The following NOVA1 variants were observed in gnomAD, a reference collection of about 807,000 sequenced individuals.
NOVA1 encodes the protein NOVA alternative splicing regulator 1, also known as RNA-binding protein Nova-1.
NOVA1 carries 7 observed loss-of-function variants against 38.0 expected under a neutral mutation model. The observed-to-expected ratio is 0.18, with a 90% CI of 0.10 to 0.35. NOVA1 has a LOEUF of 0.35. NOVA1 is among the 10% of genes least tolerant of loss of function. The probability of loss-of-function intolerance (pLI) is 1.00; values close to 1 mark genes in which losing one functional copy is unlikely to be tolerated. For synonymous variants in NOVA1, 270 were observed against 232.5 expected (o/e 1.16, Z -1.47); for missense variants, 460 against 616.0 (o/e 0.75, Z 2.68).
intron 2 of NOVA1, among the ~76,000 whole-genome samples, chr14:26,516,683 A>G (rs1366273753): frequency 2.0e-5 from 3 of 152,134 alleles, no homozygotes. Context: ...TTTTGTTTGT[A>G]TTTAGGCTCT....
intron 2 of NOVA1, among the ~76,000 whole-genome samples, chr14:26,535,019 A>C (rs547722099): frequency 2.6e-5 from 4 of 152,208 alleles, no homozygotes; most frequent in Non-Finnish European, 4.4e-5. Flanking sequence ...AACAGAATAA[A>C]TCTGCATTAT....
chr14:26,597,555 T>C lies in NOVA1; in HGVS notation c.-119A>G, dbSNP rs1162100094. The C allele has an allele frequency of 1.6e-6, 2 of 1,230,546 alleles. No homozygotes were observed. The highest frequency in any genetic ancestry group is 2.0e-6 in the Non-Finnish European group (2 of 984,578). The allele number at this position is 1,230,546 out of a possible 1,614,324, so 76.2% of individuals were successfully genotyped here. ...GCGTTTGGGGTTTCTTAAGGTTTTT[T>C]TTTTTTAATCGGATCAATATAAATC... On this transcript the variant is annotated 5_prime_UTR_variant, in exon 1 of 5. Coordinates refer to ENST00000539517, the MANE Select transcript of NOVA1 (RefSeq NM_002515.3).
intron 1 of NOVA1, chr14:26,595,991 C>G (rs1894162936): frequency 2.9e-6 from 1 of 340,544 alleles, no homozygotes; most frequent in African/African-American, 2.2e-5. Context: ...TAGTGATGAG[C>G]TATATTTATT....
At chr14:26,508,063 T>C (rs947480984) in intron 2 of NOVA1, among the ~76,000 whole-genome samples, 3 of 152,072 alleles carry the variant, frequency 2.0e-5, no homozygotes. Context: ...GTATTATATT[T>C]GAGAGTTCTG....
intron 2 of NOVA1, among the ~76,000 whole-genome samples, chr14:26,547,225 C>T (rs1890847240): frequency 2.0e-5 from 3 of 152,024 alleles, no homozygotes. Flanking sequence ...GCCCACAATT[C>T]TGGCCTTTCA....
Position 26,597,506 on chromosome 14 carries a change from T to C in NOVA1, c.-70A>G. 8.6e-7 allele frequency: 1 copy of C among 1,158,608 alleles called. No individual in the cohort carries two copies. The highest frequency in any genetic ancestry group is 1.1e-6 in the Non-Finnish European group (1 of 940,604). 71.8% of individuals were successfully genotyped at this position (1,158,608 alleles called of 1,614,324 possible). A position where few individuals can be genotyped will look rare whatever the true frequency, so the allele number is the denominator to read the frequency against. On this transcript the variant is annotated 5_prime_UTR_variant, in exon 1 of 5. Coordinates refer to ENST00000539517, the MANE Select transcript of NOVA1 (RefSeq NM_002515.3). ...TGTTTTGGCTTTTTCTTTTCTTTTT[T>C]CTTTTTTTTTTTTTTTTTTTTTTGC...
At chr14:26,530,188 G>A (rs1486388313) in intron 2 of NOVA1, among the ~76,000 whole-genome samples, 1 of 152,180 alleles carries the variant, frequency 6.6e-6, no homozygotes, top group South Asian at 2.1e-4. Flanking sequence ...AAAGTGCTGC[G>A]ATTACAGGCG....
intron 4 of NOVA1, among the ~76,000 whole-genome samples, chr14:26,464,126 T>C (rs996485067): frequency 5.3e-5 from 8 of 152,200 alleles, no homozygotes; most frequent in Non-Finnish European, 1.0e-4. Flanking sequence ...TCCAAATCCC[T>C]AGATCACACT....
At chr14:26,541,767 G>A (rs1194046640) in intron 2 of NOVA1, among the ~76,000 whole-genome samples, 1 of 151,732 alleles carries the variant, frequency 6.6e-6, no homozygotes, top group African/African-American at 2.4e-5. Context: ...TTGAGGAGCA[G>A]GGAAAATCAC....
intron 2 of NOVA1, among the ~76,000 whole-genome samples, chr14:26,577,660 A>G (rs981128753): frequency 6.6e-6 from 1 of 152,178 alleles, no homozygotes; most frequent in Non-Finnish European, 1.5e-5. Flanking sequence ...AGTTCAACAG[A>G]AAGAGAGAAG....
chr14:26,448,596 C>T lies in NOVA1; in HGVS notation c.887G>A (p.Gly296Asp). Residue 296 changes from glycine (G) to aspartate (D), a missense_variant, in exon 5 of 5, where the codon GGC becomes GAC. Gly to Asp is a moderately conservative substitution (Grantham distance 94). Coordinates refer to ENST00000539517, the MANE Select transcript of NOVA1 (RefSeq NM_002515.3). This position sits in a 1 kb window ranked among gnomAD's most constrained non-coding sequence, Gnocchi z 5.3. ...TAAAACTGCTGGAAAGGCTGCAACG[C>T]CAGCAAGGTTAGCATGTCCTAATAG... ...AGLLGHANLA[G>D]VAAFPAVLSG... 6.2e-7 allele frequency: 1 copy of T among 1,614,184 alleles called. No homozygotes were observed. The highest frequency in any genetic ancestry group is 8.5e-7 in the Non-Finnish European group (1 of 1,180,032).
intron 2 of NOVA1, among the ~76,000 whole-genome samples, chr14:26,560,052 T>A (rs563245090): frequency 5.9e-5 from 9 of 152,124 alleles, no homozygotes; most frequent in African/African-American, 2.2e-4. Flanking sequence ...AATATGCACA[T>A]CTACTATATA....
At chr14:26,529,988 C>T (rs898145087) in intron 2 of NOVA1, among the ~76,000 whole-genome samples, 5 of 152,124 alleles carry the variant, frequency 3.3e-5, no homozygotes, top group African/African-American at 1.2e-4. Context: ...GGCGCGATCT[C>T]GGCTCACTGC....
Position 26,448,408 on chromosome 14 carries a change from C to T in NOVA1, c.1075G>A (p.Ala359Thr). Residue 359 changes from alanine (A) to threonine (T), a missense_variant, in exon 5 of 5, where the codon GCC (alanine) becomes ACC (threonine). Coordinates refer to ENST00000539517, the MANE Select transcript of NOVA1 (RefSeq NM_002515.3). This position sits in a 1 kb window ranked among gnomAD's most constrained non-coding sequence, Gnocchi z 5.3. ...AASANPAAAA[A>T]NLLATYASEA... ...CTGGCATAGGTGGCCAATAAATTGG[C>T]TGCTGCTGCTGCTGGGTTGGCACTG... 2 of 1,606,340 alleles carry T rather than the reference C, an allele frequency of 1.2e-6. No homozygotes were observed. Among genetic ancestry groups the T allele is most frequent in the Non-Finnish European group, 1.7e-6 (2 of 1,176,546 alleles).
intron 2 of NOVA1, among the ~76,000 whole-genome samples, chr14:26,508,602 T>A (rs1887823749): frequency 6.6e-6 from 1 of 151,580 alleles, no homozygotes; most frequent in African/African-American, 2.4e-5. Flanking sequence ...CACTTAAGCA[T>A]ACTTCACACT....
chr14:26,515,618 T>A (rs1248105260), intron 2 of NOVA1, among the ~76,000 whole-genome samples: 1 of 151,964 alleles, frequency 6.6e-6, no homozygotes, highest in East Asian at 1.9e-4. Context: ...TACTTTACAT[T>A]TTTACAAAAA....
At chr14:26,452,875 C>G (rs749417335) in intron 4 of NOVA1, among the ~76,000 whole-genome samples, 111 of 152,158 alleles carry the variant, frequency 7.3e-4, no homozygotes, top group Non-Finnish European at 1.4e-3. Flanking sequence ...TGACATTGTT[C>G]CTGCCTTTAA....
chr14:26,558,270 T>C (rs1891616196), intron 2 of NOVA1, among the ~76,000 whole-genome samples: 3 of 152,270 alleles, frequency 2.0e-5, no homozygotes, highest in Admixed American at 6.5e-5. Context: ...TATCTCCATT[T>C]TGGCTCATCA....
At chr14:26,529,035 C>A (rs10143205) in intron 2 of NOVA1, among the ~76,000 whole-genome samples, 3,228 of 152,196 alleles carry the variant, frequency 0.021, 110 homozygotes, top group African/African-American at 0.074. Flanking sequence ...TAAGGTCTAT[C>A]CAACAAGTAC....
Sources: allele counts gnomAD v4.1 joint callset (sites outside exome capture counted in the v4.1 genomes callset), GRCh38; gene constraint gnomAD v4.1.1; non-coding constraint Gnocchi (gnomAD v3.1); transcripts MANE v1.5; gene names NCBI Gene and HGNC (gene_info 2026-07-23, HGNC 2026-07-21).